PDZD2: variants seen among roughly 807,000 people sequenced by gnomAD.
PDZD2 encodes PDZ domain-containing protein 2.
In PDZD2, 90 loss-of-function variants were observed where a neutral mutation model predicts 220.7. The ratio of observed to expected loss-of-function variants is 0.41; its 90% CI spans 0.34 to 0.49. The LOEUF (loss-of-function observed/expected upper bound fraction) is 0.49. Ranked by LOEUF, PDZD2 falls within the 20% of genes least tolerant of loss-of-function variation. The pLI is 0.28. For missense variants in PDZD2, 3,174 were observed against 3,608.5 expected, an observed-to-expected ratio of 0.88 and a Z score of 3.08; for synonymous variants, 1,375 against 1,450.5, an observed-to-expected ratio of 0.95 and a Z score of 1.18.
intron 2 of PDZD2, among the ~76,000 whole-genome samples, chr5:31,942,482 T>C (rs1212781349): frequency 6.6e-6 from 1 of 152,204 alleles, no homozygotes; most frequent in Non-Finnish European, 1.5e-5. Flanking sequence ...AAAACTTTTT[T>C]TTAAAGATAC....
intron 1 of PDZD2, among the ~76,000 whole-genome samples, chr5:31,692,597 T>G (rs944502591): frequency 7.2e-5 from 11 of 152,224 alleles, no homozygotes; most frequent in Non-Finnish European, 7.3e-5. Flanking sequence ...TCTGACATCC[T>G]CATGACCTTC....
intron 1 of PDZD2, among the ~76,000 whole-genome samples, chr5:31,791,651 T>C (rs1342284479): frequency 1.3e-5 from 2 of 149,726 alleles, no homozygotes; most frequent in Non-Finnish European, 3.0e-5. Context: ...ATATTCTAAA[T>C]TTTTCTTACC....
chr5:31,857,140 C>T (rs968013984), intron 2 of PDZD2, among the ~76,000 whole-genome samples: 1 of 152,032 alleles, frequency 6.6e-6, no homozygotes, highest in African/African-American at 2.4e-5. Context: ...CGTGAGTCAC[C>T]ACACTCAGCC....
At chr5:31,947,895 G>C (rs1228840714) in intron 2 of PDZD2, among the ~76,000 whole-genome samples, 2 of 151,790 alleles carry the variant, frequency 1.3e-5, no homozygotes, top group East Asian at 1.9e-4. Flanking sequence ...GGAAAGAGAG[G>C]GAAGGAAGGC....
At chr5:31,806,840 A>G (rs1208876540) in intron 2 of PDZD2, among the ~76,000 whole-genome samples, 1 of 151,910 alleles carries the variant, frequency 6.6e-6, no homozygotes, top group Non-Finnish European at 1.5e-5. Context: ...CAAAACCCAC[A>G]CACCAAAACA....
chr5:31,772,089 A>T (rs1752370997), intron 1 of PDZD2, among the ~76,000 whole-genome samples: 1 of 152,172 alleles, frequency 6.6e-6, no homozygotes, highest in African/African-American at 2.4e-5. Flanking sequence ...TCAAACAATC[A>T]GTATGTCAGA....
chr5:31,675,915 T>C (rs1746393264), intron 1 of PDZD2, among the ~76,000 whole-genome samples: 1 of 152,150 alleles, frequency 6.6e-6, no homozygotes, highest in South Asian at 2.1e-4. Context: ...TGGCCCCGGC[T>C]AGCCTCAAAC....
intron 17 of PDZD2, 111 bp downstream of exon 17, chr5:32,072,428 C>G (rs1257815523): frequency 1.0e-5 from 9 of 877,818 alleles, no homozygotes; most frequent in Admixed American, 5.9e-5. Flanking sequence ...CGCTGTAATA[C>G]GAGAAAAGAG....
chr5:31,822,184 A>G (rs1345535357), intron 2 of PDZD2, among the ~76,000 whole-genome samples: 1 of 151,262 alleles, frequency 6.6e-6, no homozygotes, highest in Non-Finnish European at 1.5e-5. Flanking sequence ...TAGTAGAATG[A>G]GTTATAATCC....
chr5:31,804,298 A>G (rs1435076238), intron 2 of PDZD2, among the ~76,000 whole-genome samples: 1 of 152,190 alleles, frequency 6.6e-6, no homozygotes, highest in Admixed American at 6.5e-5. Context: ...TCTTCATGAA[A>G]GAGAGCTTGA....
At chr5:31,879,239 T>C (rs1739630762) in intron 2 of PDZD2, among the ~76,000 whole-genome samples, 1 of 151,778 alleles carries the variant, frequency 6.6e-6, no homozygotes, top group Non-Finnish European at 1.5e-5. Flanking sequence ...TAGAAAAAAT[T>C]AGCCGGGCGT....
chr5:31,767,028 T>A (rs78289522), intron 1 of PDZD2, among the ~76,000 whole-genome samples: 1 of 32,696 alleles, frequency 3.1e-5, no homozygotes, highest in Non-Finnish European at 5.1e-5. Context: ...GCACCCAGCC[T>A]TTTTTTTTTT....
intron 2 of PDZD2, among the ~76,000 whole-genome samples, chr5:31,926,100 T>G (rs1744730875): frequency 6.6e-6 from 1 of 151,884 alleles, no homozygotes; most frequent in African/African-American, 2.4e-5. Context: ...CATGTTCCTA[T>G]AATCCAGCTA....
intron 2 of PDZD2, among the ~76,000 whole-genome samples, chr5:31,903,330 T>C (rs951495735): frequency 4.6e-5 from 7 of 151,318 alleles, no homozygotes; most frequent in African/African-American, 9.7e-5. Flanking sequence ...TAAAAAAATA[T>C]TATTATGTAA....
At chr5:31,993,028 C>T (rs1245846954) in intron 3 of PDZD2, among the ~76,000 whole-genome samples, 1 of 152,132 alleles carries the variant, frequency 6.6e-6, no homozygotes, top group Non-Finnish European at 1.5e-5. Context: ...CATCGGGCCC[C>T]ATTGGAAGTG....
chr5:31,698,985 G>C (rs1747497743), intron 1 of PDZD2, among the ~76,000 whole-genome samples: 1 of 152,150 alleles, frequency 6.6e-6, no homozygotes, highest in South Asian at 2.1e-4. Context: ...ATCTGACCCT[G>C]GCCATGAACC....
At chr5:31,985,097 C>T (rs1236892164) in intron 3 of PDZD2, among the ~76,000 whole-genome samples, 2 of 135,850 alleles carry the variant, frequency 1.5e-5, no homozygotes, top group African/African-American at 5.8e-5. Context: ...TTTATAAGTT[C>T]CCCCAAAAAG....
In PDZD2 at chr5:31,926,557, G is replaced by T. The variant is rs1744795471; in HGVS notation, c.477-56598G>T. On this transcript the variant is annotated intron_variant, in intron 2 of 24. Coordinates refer to ENST00000438447, the MANE Select transcript of PDZD2 (RefSeq NM_178140.4). ...AAAAAAAAAAAAAAGAAAATTAAAAGCTAAAAAATAACAGACGCTGGGGAG... is the reference window on the plus strand; with the variant it reads ...AAAAAAAAAAAAAAGAAAATTAAAATCTAAAAAATAACAGACGCTGGGGAG... Among the ~76,000 whole-genome samples, 14 of 128,488 alleles carry T rather than the reference G, an allele frequency of 1.1e-4. No individual in the cohort carries two copies. In the South Asian group the frequency reaches 3.5e-3, roughly 32 times the overall value. The allele number at this position is 128,488 out of a possible 152,430, so 84.3% of individuals were successfully genotyped here.
intron 2 of PDZD2, among the ~76,000 whole-genome samples, chr5:31,915,086 A>G (rs1020846052): frequency 2.0e-5 from 3 of 152,162 alleles, no homozygotes; most frequent in East Asian, 1.9e-4. Context: ...TTCATTGGAT[A>G]CCGTTACTTT....
Sources: gnomAD v4.1 joint callset for allele counts (sites outside exome capture counted in the v4.1 genomes callset) on GRCh38, gnomAD v4.1.1 for gene constraint, MANE v1.5 for transcripts, NCBI Gene and HGNC (gene_info 2026-07-23, HGNC 2026-07-21) for gene names.